PTPRD: variants seen among roughly 807,000 people sequenced by gnomAD.
The protein encoded by PTPRD is receptor-type tyrosine-protein phosphatase delta.
A neutral mutation model predicts 214.5 loss-of-function variants in PTPRD; 34 were observed. The ratio of observed to expected loss-of-function variants is 0.16; its 90% CI spans 0.12 to 0.21. PTPRD has a LOEUF of 0.21. Among genes scored for constraint, PTPRD ranks in the 10% least tolerant of loss-of-function variants. The probability of loss-of-function intolerance (pLI) is 1.00; values close to 1 mark genes in which losing one functional copy is unlikely to be tolerated. For missense variants in PTPRD, 2,545 were observed against 2,398.7 expected (o/e 1.06, Z -1.27); for synonymous variants, 1,128 against 845.7 (o/e 1.33, Z -5.79).
intron 32 of PTPRD, among the ~76,000 whole-genome samples, chr9:8,463,610 A>T (rs1370688189): frequency 6.6e-6 from 1 of 151,994 alleles, no homozygotes; most frequent in African/African-American, 2.4e-5. Flanking sequence ...AGAAACAGAG[A>T]CATATGAAAA....
chr9:8,698,827 T>G (rs991053089), intron 12 of PTPRD, among the ~76,000 whole-genome samples: 2 of 152,200 alleles, frequency 1.3e-5, no homozygotes, highest in Non-Finnish European at 2.9e-5. Flanking sequence ...CCTTTGTTTT[T>G]CCTGATTTTT....
chr9:8,528,449 C>T (rs2074799604), intron 15 of PTPRD, 142 bp downstream of exon 15: 3 of 751,344 alleles, frequency 4.0e-6, no homozygotes, highest in South Asian at 1.7e-5. Flanking sequence ...ACATGGACCA[C>T]CCATTAAGTA....
intron 5 of PTPRD, among the ~76,000 whole-genome samples, chr9:9,793,333 C>T (rs149932188): frequency 2.0e-5 from 3 of 152,118 alleles, no homozygotes; most frequent in African/African-American, 7.2e-5. Context: ...CTTCCAATTA[C>T]GAAGACATAA....
chr9:9,371,187 G>A (rs1462046058), intron 9 of PTPRD, among the ~76,000 whole-genome samples: 1 of 152,146 alleles, frequency 6.6e-6, no homozygotes, highest in African/African-American at 2.4e-5. Context: ...CAGAAGGAAT[G>A]GTACCAGCTC....
At chr9:9,786,876 G>C (rs536909040) in intron 5 of PTPRD, among the ~76,000 whole-genome samples, 20 of 151,946 alleles carry the variant, frequency 1.3e-4, no homozygotes, top group Non-Finnish European at 1.8e-4. Context: ...TGGGCACAGT[G>C]GCTTACATCT....
At position 8,485,867 on chromosome 9, in the gene PTPRD, A is replaced by G. The variant is rs2135916704; in HGVS notation, c.2950T>C (p.Leu984=). Residue 984 remains leucine (L), a synonymous_variant, in exon 28 of 46, where the codon TTA becomes CTA. Coordinates refer to ENST00000381196, the MANE Select transcript of PTPRD (RefSeq NM_002839.4). The stretch of plus-strand genomic sequence containing the variant: ...ACATCGTATGTGGTATCTGGTTTTA[A>G]GCCAGTGAGTGTCATAGTGGTGTCA... ...PADTTMTLTG[L]KPDTTYDVKV... 1.2e-6 allele frequency: 2 copies of G among 1,614,166 alleles called. No homozygotes were observed. Among genetic ancestry groups the G allele is most frequent in the Non-Finnish European group, 1.7e-6 (2 of 1,180,028 alleles).
intron 34 of PTPRD, among the ~76,000 whole-genome samples, chr9:8,442,293 A>C (rs1296517346): frequency 6.6e-6 from 1 of 151,866 alleles, no homozygotes; most frequent in African/African-American, 2.4e-5. Flanking sequence ...GAATGCTTCA[A>C]ATGATTTTAT....
chr9:8,955,320 G>T (rs996469660), intron 11 of PTPRD, among the ~76,000 whole-genome samples: 1 of 151,802 alleles, frequency 6.6e-6, no homozygotes, highest in Admixed American at 6.6e-5. Flanking sequence ...TTCTTAACAG[G>T]AGATCTTCAG....
chr9:8,698,812 C>T (rs1473835571), intron 12 of PTPRD, among the ~76,000 whole-genome samples: 1 of 152,154 alleles, frequency 6.6e-6, no homozygotes, highest in Admixed American at 6.5e-5. Context: ...GCATAGCAAT[C>T]CTATCCTTTG....
intron 10 of PTPRD, among the ~76,000 whole-genome samples, chr9:9,150,369 G>A (rs999047624): frequency 1.0e-4 from 15 of 150,406 alleles, no homozygotes; most frequent in African/African-American, 3.7e-4. Context: ...TATAAGCACA[G>A]TCTTTTACAT....
At chr9:10,383,311 A>C (rs1233269245) in intron 2 of PTPRD, among the ~76,000 whole-genome samples, 2 of 151,878 alleles carry the variant, frequency 1.3e-5, no homozygotes, top group African/African-American at 2.4e-5. Flanking sequence ...AAGCAATTTT[A>C]GGTTAAAAAG....
chr9:9,051,185 C>T (rs2099684673), intron 10 of PTPRD, among the ~76,000 whole-genome samples: 1 of 151,932 alleles, frequency 6.6e-6, no homozygotes. Flanking sequence ...TTTAAAAAAT[C>T]ATGTACACCA....
At chr9:9,648,209 T>G (rs180893768) in intron 7 of PTPRD, among the ~76,000 whole-genome samples, 1 of 151,766 alleles carries the variant, frequency 6.6e-6, no homozygotes, top group Non-Finnish European at 1.5e-5. Flanking sequence ...GTATAAATCT[T>G]ATATAGCCTA....
chr9:10,419,588 T>C (rs557642819), intron 2 of PTPRD, among the ~76,000 whole-genome samples: 1 of 152,006 alleles, frequency 6.6e-6, no homozygotes, highest in South Asian at 2.1e-4. Flanking sequence ...TTGATTAAGA[T>C]ATATTATTAA....
intron 7 of PTPRD, among the ~76,000 whole-genome samples, chr9:9,647,169 A>G (rs1200607189): frequency 6.6e-6 from 1 of 151,872 alleles, no homozygotes; most frequent in Non-Finnish European, 1.5e-5. Context: ...TAATTATTGC[A>G]TCTTTCCCCC....
intron 8 of PTPRD, among the ~76,000 whole-genome samples, chr9:9,484,560 G>A (rs930319124): frequency 2.0e-5 from 3 of 152,034 alleles, no homozygotes; most frequent in African/African-American, 7.2e-5. Flanking sequence ...TTAATAAAAA[G>A]CAGAACAAAC....
At chr9:8,508,089 C>CA (rs888054912) in intron 21 of PTPRD, among the ~76,000 whole-genome samples, 1 of 152,144 alleles carries the variant, frequency 6.6e-6, no homozygotes, top group African/African-American at 2.4e-5. Context: ...CTAATACAAA[C>CA]AAAATATCCT....
At chr9:10,600,346 CCTT>C (rs1429173991) in intron 2 of PTPRD, among the ~76,000 whole-genome samples, 1 of 151,672 alleles carries the variant, frequency 6.6e-6, no homozygotes, top group African/African-American at 2.4e-5. Context: ...TAATCTGTAT[CCTT>C]CTTTTCAATG....
At chr9:9,391,541 A>C (rs953254431) in intron 9 of PTPRD, among the ~76,000 whole-genome samples, 1 of 152,148 alleles carries the variant, frequency 6.6e-6, no homozygotes, top group African/African-American at 2.4e-5. Flanking sequence ...TAATCAAGGC[A>C]CTTCTTTGAT....
Sources: allele counts gnomAD v4.1 joint callset (sites outside exome capture counted in the v4.1 genomes callset), GRCh38; gene constraint gnomAD v4.1.1; transcripts MANE v1.5; gene names NCBI Gene and HGNC (gene_info 2026-07-23, HGNC 2026-07-21).